NPC1L1: variants seen among roughly 807,000 people sequenced by gnomAD.
The protein encoded by NPC1L1 is NPC1 like intracellular cholesterol transporter 1, also known as NPC1-like intracellular cholesterol transporter 1.
A neutral mutation model predicts 117.0 loss-of-function variants in NPC1L1; 98 were observed. The ratio of observed to expected loss-of-function variants is 0.84; its 90% CI spans 0.71 to 0.99. The LOEUF (loss-of-function observed/expected upper bound fraction) is 0.99, where lower values mean the gene tolerates loss of function less well. NPC1L1 is among the 50% of genes least tolerant of loss of function. The pLI, the probability that NPC1L1 is intolerant of heterozygous loss-of-function variation, is 0.00. For missense variants in NPC1L1, 1,540 were observed against 1,710.0 expected, an observed-to-expected ratio of 0.90 and a Z score of 1.75; for synonymous variants, 729 against 727.6, an observed-to-expected ratio of 1.00 and a Z score of -0.03.
chr7:44,534,590 C>CG lies in NPC1L1; in HGVS notation c.2022dup (p.Val675ArgfsTer38). 3 of 1,614,106 alleles carry CG rather than the reference C, an allele frequency of 1.9e-6. No homozygotes were observed. The highest frequency in any genetic ancestry group is 2.5e-6 in the Non-Finnish European group (3 of 1,179,984). On this transcript the variant is annotated frameshift_variant, in exon 6 of 19. Transcript: ENST00000381160. LOFTEE classifies it high-confidence loss of function. The surrounding 1 kb of genome is among the most constrained non-coding windows in gnomAD (Gnocchi z 5.2). ...GCAGCCATGACTGCTCCCAGGACCACGGCCACCCCGCCGAGGCCCAGCGTG... is the reference window on the plus strand; with the variant it reads ...GCAGCCATGACTGCTCCCAGGACCACGGGCCACCCCGCCGAGGCCCAGCGTG...
Position 44,532,218 on chromosome 7 carries a change from C to G in NPC1L1, c.2410-1G>C, listed in dbSNP as rs778085409. 9 of 1,613,518 alleles carry G rather than the reference C, an allele frequency of 5.6e-6. No individual in the cohort carries two copies. Among genetic ancestry groups the G allele is most frequent in the South Asian group, 1.1e-5 (1 of 91,082 alleles). On this transcript the variant is annotated splice_acceptor_variant, in intron 8 of 18. Coordinates refer to ENST00000381160, the MANE Select transcript of NPC1L1 (RefSeq NM_001101648.2). LOFTEE classifies it high-confidence loss of function. ...AGCAGCAGACGTCCAACCGGGAGGC[C>G]TGGAGTGGGAGGCACCCCCTCAAGG...
intron 10 of NPC1L1, among the ~76,000 whole-genome samples, chr7:44,523,547 G>A (rs1158579647): frequency 1.3e-5 from 2 of 152,198 alleles, no homozygotes; most frequent in African/African-American, 2.4e-5. Context: ...ACAGCTTGCA[G>A]GAGCCAGGTA....
At chr7:44,517,653 T>G (rs1801233363) in intron 14 of NPC1L1, among the ~76,000 whole-genome samples, 1 of 152,196 alleles carries the variant, frequency 6.6e-6, no homozygotes, top group African/African-American at 2.4e-5. Flanking sequence ...TCTGTATGGT[T>G]TCAAGATATG....
Position 44,535,985 on chromosome 7 carries a change from G to T in NPC1L1, c.1855-17C>A. 4 of 1,612,556 alleles carry T rather than the reference G, an allele frequency of 2.5e-6. No individual in the cohort carries two copies. In the South Asian group the frequency reaches 4.4e-5, roughly 18 times the overall value. On this transcript the variant is annotated splice_polypyrimidine_tract_variant and intron_variant, in intron 4 of 18. Transcript: ENST00000381160. ...CAGAGAGCGCTGTGGACACACACCCGACCAGCCCCCACTGACCGTGCCTGC... is the reference window on the plus strand; with the variant it reads ...CAGAGAGCGCTGTGGACACACACCCTACCAGCCCCCACTGACCGTGCCTGC...
intron 10 of NPC1L1, 75 bp from the exon 11 acceptor site, chr7:44,522,317 T>C: frequency 1.4e-6 from 2 of 1,382,442 alleles, no homozygotes; most frequent in Non-Finnish European, 2.0e-6. Flanking sequence ...GCTCACACTC[T>C]CGAAGGTACA....
In NPC1L1 at chr7:44,513,089, G is replaced by A. The variant is rs1016464584; in HGVS notation, c.*358C>T. ...TTACTGACACAGAATTAAGACTTTC[G>A]AGAGAGGAACTGAGAAGGGAAAAGT... is the stretch of plus-strand genomic sequence containing the variant. On this transcript the variant is annotated 3_prime_UTR_variant, in exon 19 of 19. Coordinates refer to ENST00000381160, the MANE Select transcript of NPC1L1 (RefSeq NM_001101648.2). 11 of 363,232 alleles carry A rather than the reference G, an allele frequency of 3.0e-5. No homozygotes were observed. The highest frequency in any genetic ancestry group is 8.4e-5 in the African/African-American group (4 of 47,516). The allele number at this position is 363,232 out of a possible 1,614,324, so 22.5% of individuals were successfully genotyped here.
chr7:44,529,967 G>A (rs1445443162), intron 10 of NPC1L1, among the ~76,000 whole-genome samples: 1 of 151,722 alleles, frequency 6.6e-6, no homozygotes, highest in Non-Finnish European at 1.5e-5. Flanking sequence ...CTGGGAGGTG[G>A]AGGCTGCAGT....
In NPC1L1 at chr7:44,534,591, G is replaced by A. The variant is rs754574696; in HGVS notation, c.2022C>T (p.Ala674=). The A allele has an allele frequency of 5.6e-6, 9 of 1,614,082 alleles. No homozygotes were observed. The highest frequency in any genetic ancestry group is 3.3e-5 in the Admixed American group (2 of 60,018). The change falls in exon 6 of 19, where the codon GCC becomes GCT. Residue 674 remains alanine, a synonymous_variant. Coordinates refer to ENST00000381160, the MANE Select transcript of NPC1L1 (RefSeq NM_001101648.2). The surrounding 1 kb of genome is among the most constrained non-coding windows in gnomAD (Gnocchi z 5.2). ...SKATLGLGGV[A]VVLGAVMAAM... is the part of the protein sequence containing the mutation. ...CAGCCATGACTGCTCCCAGGACCAC[G>A]GCCACCCCGCCGAGGCCCAGCGTGG...
intron 10 of NPC1L1, among the ~76,000 whole-genome samples, chr7:44,528,541 C>T (rs1801596998): frequency 6.6e-6 from 1 of 151,880 alleles, no homozygotes; most frequent in East Asian, 1.9e-4. Context: ...TAAGATAATC[C>T]CCATGGTAAT....
chr7:44,523,980 A>C (rs187991179), intron 10 of NPC1L1, among the ~76,000 whole-genome samples: 1 of 152,188 alleles, frequency 6.6e-6, no homozygotes, highest in Non-Finnish European at 1.5e-5. Context: ...TGCAACTCCC[A>C]CCACCGTTGT....
At position 44,534,673 on chromosome 7, in the gene NPC1L1, C is replaced by T. The variant is rs755858406; in HGVS notation, c.1984-44G>A. 4 of 1,601,822 alleles carry T rather than the reference C, an allele frequency of 2.5e-6. No individual in the cohort carries two copies. Among genetic ancestry groups the T allele is most frequent in the Non-Finnish European group, 2.6e-6 (3 of 1,171,560 alleles). ...CAGCCCCCTAGCCACTTAGCACCTA[C>T]CCAGTATGCCCACCAGCCTCAGCTA... On this transcript the variant is annotated intron_variant, in intron 5 of 18. Transcript: ENST00000381160. This position sits in a 1 kb window ranked among gnomAD's most constrained non-coding sequence, Gnocchi z 5.2.
rs1221648571 is a variant in NPC1L1, at chr7:44,522,171, A to T, written c.2709T>A (p.Val903=). The T allele has an allele frequency of 1.2e-6, 2 of 1,614,016 alleles. No homozygotes were observed. The highest frequency in any genetic ancestry group is 3.3e-5 in the Admixed American group (2 of 59,998). The change falls in exon 11 of 19, where the codon GTT becomes GTA. Residue 903 remains valine (V), a synonymous_variant. Transcript: ENST00000381160. ...YFEVGAPVYF[V]TTLGYNFSSE... ...TGGAGAAGTTGTAGCCCAAGGTGGT[A>T]ACAAAGTACACCGGGGCCCCCACCT... is the stretch of plus-strand genomic sequence containing the variant.
chr7:44,530,518 A>G (rs1198538637), intron 10 of NPC1L1, among the ~76,000 whole-genome samples: 2 of 152,198 alleles, frequency 1.3e-5, no homozygotes, highest in Non-Finnish European at 2.9e-5. Flanking sequence ...ACACTTAAAA[A>G]TGGTTATAAT....
In NPC1L1 at chr7:44,540,058, G is replaced by A; in HGVS notation, c.339C>T (p.Cys113=). The A allele has an allele frequency of 1.2e-6, 2 of 1,614,222 alleles. No individual in the cohort carries two copies. Among genetic ancestry groups the A allele is most frequent in the Non-Finnish European group, 1.7e-6 (2 of 1,180,042 alleles). Residue 113 remains cysteine, a synonymous_variant, in exon 2 of 19, where the codon TGC becomes TGT. Transcript: ENST00000381160. ...LSITKALLTR[C]PACSDNFVNL... Reference sequence around the variant, plus strand: ...TCACAAAATTGTCAGAGCAGGCTGGGCAGCGGGTGAGGAGGGCCTTGGTGA... The same window carrying A: ...TCACAAAATTGTCAGAGCAGGCTGGACAGCGGGTGAGGAGGGCCTTGGTGA...
At position 44,536,490 on chromosome 7, in the gene NPC1L1, C is replaced by A; in HGVS notation, c.1682-62G>T. ...CCGTGCCTCCCTCCCCCTCCAGCTG[C>A]ACCCCTATATTCCCTCCCCCTATCT... On this transcript the variant is annotated intron_variant, in intron 3 of 18. Coordinates refer to ENST00000381160, the MANE Select transcript of NPC1L1 (RefSeq NM_001101648.2). This position sits in a 1 kb window ranked among gnomAD's most constrained non-coding sequence, Gnocchi z 4.7. 3.8e-6 allele frequency: 6 copies of A among 1,567,116 alleles called. No homozygotes were observed. Among genetic ancestry groups the A allele is most frequent in the Non-Finnish European group, 5.2e-6 (6 of 1,150,232 alleles).
At chr7:44,537,587 A>T (rs1407991366) in intron 2 of NPC1L1, among the ~76,000 whole-genome samples, 2 of 152,204 alleles carry the variant, frequency 1.3e-5, no homozygotes, top group African/African-American at 4.8e-5. Context: ...GCAGTGGGAC[A>T]CCTGAGCAAA....
At position 44,538,041 on chromosome 7, in the gene NPC1L1, A is replaced by G. The variant is rs1319982829; in HGVS notation, c.1580+776T>C. Among the ~76,000 whole-genome samples, 1 of 152,224 alleles carries G rather than the reference A, an allele frequency of 6.6e-6. No homozygotes were observed. The highest frequency in any genetic ancestry group is 1.5e-5 in the Non-Finnish European group (1 of 68,040). On this transcript the variant is annotated intron_variant, in intron 2 of 18. Transcript: ENST00000381160. The surrounding 1 kb of genome is among the most constrained non-coding windows in gnomAD (Gnocchi z 5.9). Reference sequence around the variant, plus strand: ...CTTAGGCGTCCTGGAGACCCTTTCCAGGGTCTGTAAGGTCAGAACTGTTTT... The same window carrying G: ...CTTAGGCGTCCTGGAGACCCTTTCCGGGGTCTGTAAGGTCAGAACTGTTTT...
chr7:44,536,492 C>A lies in NPC1L1; in HGVS notation c.1682-64G>T, dbSNP rs1436157057. ...GTGCCTCCCTCCCCCTCCAGCTGCA[C>A]CCCTATATTCCCTCCCCCTATCTAG... On this transcript the variant is annotated intron_variant, in intron 3 of 18. Transcript: ENST00000381160. The surrounding 1 kb of genome is among the most constrained non-coding windows in gnomAD (Gnocchi z 4.7). The A allele has an allele frequency of 1.9e-6, 3 of 1,545,334 alleles. No individual in the cohort carries two copies. Among genetic ancestry groups the A allele is most frequent in the African/African-American group, 1.4e-5 (1 of 73,296 alleles).
Position 44,536,449 on chromosome 7 carries a change from A to G in NPC1L1, c.1682-21T>C. ...CTTTCCTGGGATAAGAAATACTCAG[A>G]CCCTTCCTGCTGCACCCGTGCCTCC... On this transcript the variant is annotated intron_variant, in intron 3 of 18. Coordinates refer to ENST00000381160, the MANE Select transcript of NPC1L1 (RefSeq NM_001101648.2). The surrounding 1 kb of genome is among the most constrained non-coding windows in gnomAD (Gnocchi z 4.7). 6.2e-7 allele frequency: 1 copy of G among 1,606,478 alleles called. No individual in the cohort carries two copies. Among genetic ancestry groups the G allele is most frequent in the Non-Finnish European group, 8.5e-7 (1 of 1,179,840 alleles).
Sources: gnomAD v4.1 joint callset for allele counts (sites outside exome capture counted in the v4.1 genomes callset) on GRCh38, gnomAD v4.1.1 for gene constraint, Gnocchi (gnomAD v3.1) non-coding constraint, MANE v1.5 for transcripts, NCBI Gene and HGNC (gene_info 2026-07-23, HGNC 2026-07-21) for gene names.